The following CFAP54 variants were observed in gnomAD, a reference collection of about 807,000 sequenced individuals.
CFAP54 encodes the protein cilia and flagella associated protein 54.
CFAP54 carries 290 observed loss-of-function variants against 370.4 expected under a neutral mutation model. The observed-to-expected ratio is 0.78, with a 90% CI of 0.71 to 0.86. CFAP54 has a LOEUF of 0.86. Among genes scored for constraint, CFAP54 ranks in the 40% least tolerant of loss-of-function variants. CFAP54 has a pLI of 0.00. For synonymous variants in CFAP54, 1,206 were observed against 1,236.5 expected (o/e 0.98, Z 0.52); for missense variants, 3,399 against 3,528.7 (o/e 0.96, Z 0.93).
At chr12:96,688,860 C>A (rs898776444) in intron 42 of CFAP54, 56 bp from the exon 43 acceptor site, 3 of 983,952 alleles carry the variant, frequency 3.0e-6, no homozygotes, top group South Asian at 1.5e-5. Context: ...ACATTTATAT[C>A]AAAATGTTTT....
chr12:96,635,429 A>G (rs2136480767), intron 32 of CFAP54, among the ~76,000 whole-genome samples: 1 of 152,156 alleles, frequency 6.6e-6, no homozygotes, highest in African/African-American at 2.4e-5. Flanking sequence ...TGCTCATACC[A>G]CTCACTTCTG....
At chr12:96,611,178 C>T (rs1956354464) in intron 26 of CFAP54, among the ~76,000 whole-genome samples, 1 of 152,234 alleles carries the variant, frequency 6.6e-6, no homozygotes, top group South Asian at 2.1e-4. Context: ...GGGTACCCCT[C>T]TGAGACGAAG....
At chr12:96,790,074 G>A (rs1958673080) in intron 62 of CFAP54, among the ~76,000 whole-genome samples, 1 of 152,174 alleles carries the variant, frequency 6.6e-6, no homozygotes, top group Non-Finnish European at 1.5e-5. Flanking sequence ...GTGCTCATCA[G>A]TTGTGTGATT....
chr12:96,797,040 T>C (rs945889932), intron 63 of CFAP54, among the ~76,000 whole-genome samples: 3 of 152,156 alleles, frequency 2.0e-5, no homozygotes, highest in Non-Finnish European at 4.4e-5. Flanking sequence ...TCATCATCAA[T>C]CAGTTAAAAA....
Position 96,700,058 on chromosome 12 carries a change from A to G in CFAP54, c.6439A>G (p.Ile2147Val). The change falls in exon 46 of 68, where the codon ATA (isoleucine) becomes GTA (valine). Residue 2147 changes from isoleucine to valine, a missense_variant. By Grantham distance (29) the Ile-to-Val change is conservative. Around this residue, in one of 3 missense-constraint regions of CFAP54, gnomAD observed 2,796 missense variants for 2,869.7 expected, o/e 0.97. Transcript: ENST00000524981. ...IFYGKNMPCPIPAGYKATGKM... is the reference protein window; with the variant it reads ...IFYGKNMPCPVPAGYKATGKM... The stretch of plus-strand genomic sequence containing the variant: ...CTATGGAAAAAACATGCCTTGTCCA[A>G]TACCTGCAGGCTATAAAGCCACTGG... 3.7e-6 allele frequency: 6 copies of G among 1,609,498 alleles called. No homozygotes were observed. The highest frequency in any genetic ancestry group is 5.1e-6 in the Non-Finnish European group (6 of 1,178,552).
intron 67 of CFAP54, among the ~76,000 whole-genome samples, chr12:96,866,728 A>G (rs1960015451): frequency 6.6e-6 from 1 of 152,222 alleles, no homozygotes; most frequent in Admixed American, 6.5e-5. Flanking sequence ...ATTCGGAACT[A>G]ATGTAGAAAA....
At chr12:96,601,588 A>G (rs1956243079) in intron 26 of CFAP54, among the ~76,000 whole-genome samples, 2 of 151,964 alleles carry the variant, frequency 1.3e-5, no homozygotes, top group Admixed American at 1.3e-4. Context: ...CTGGTCCTGG[A>G]CTTTTTTTTG....
chr12:96,864,285 G>A (rs1193933669), intron 67 of CFAP54, among the ~76,000 whole-genome samples: 1 of 152,312 alleles, frequency 6.6e-6, no homozygotes, highest in South Asian at 2.1e-4. Context: ...GGCGAGGGAA[G>A]TCAGGAAAGA....
chr12:96,828,677 T>C (rs1959155348), intron 65 of CFAP54, among the ~76,000 whole-genome samples: 1 of 152,196 alleles, frequency 6.6e-6, no homozygotes, highest in Non-Finnish European at 1.5e-5. Context: ...GCTCTTCCCC[T>C]GTCTTCCATA....
chr12:96,710,638 A>G lies in CFAP54; in HGVS notation c.6724+1835A>G, dbSNP rs185143817. On this transcript the variant is annotated intron_variant, in intron 48 of 67. Transcript: ENST00000524981. ...GGAGGTCAGCAAGGCCCCAAATGTT[A>G]TCATTTCTACATCAGACATACAGAA... is the stretch of plus-strand genomic sequence containing the variant. 4.0e-3 allele frequency among the ~76,000 whole-genome samples: 602 copies of G among 152,078 alleles called. 4 individuals are homozygous for G. Among genetic ancestry groups the G allele is most frequent in the Non-Finnish European group, 6.1e-3 (417 of 67,976 alleles).
chr12:96,806,901 A>G (rs1451277216), intron 63 of CFAP54, among the ~76,000 whole-genome samples: 1 of 152,190 alleles, frequency 6.6e-6, no homozygotes, highest in Admixed American at 6.6e-5. Flanking sequence ...CAGCAGCACT[A>G]GCATCCCCTG....
At chr12:96,819,699 G>A (rs77845508) in intron 65 of CFAP54, among the ~76,000 whole-genome samples, 2,894 of 152,104 alleles carry the variant, frequency 0.019, 96 homozygotes, top group African/African-American at 0.065. Context: ...TTTGTGTTTG[G>A]ATTTTTCTTG....
In CFAP54 at chr12:96,688,999, G is replaced by A; in HGVS notation, c.6081+17G>A. 1 of 1,480,734 alleles carries A rather than the reference G, an allele frequency of 6.8e-7. No individual in the cohort carries two copies. Among genetic ancestry groups the A allele is most frequent in the Non-Finnish European group, 9.0e-7 (1 of 1,107,502 alleles). The allele number at this position is 1,480,734 out of a possible 1,614,324, so 91.7% of individuals were successfully genotyped here. ...CTCTTTCAGGTAACACTCTATGTAT[G>A]TATGTTTTTCCATTGTAGCACAACC... On this transcript the variant is annotated intron_variant, in intron 43 of 67. Transcript: ENST00000524981.
chr12:96,601,323 A>C (rs1181427838), intron 26 of CFAP54, among the ~76,000 whole-genome samples: 1 of 152,172 alleles, frequency 6.6e-6, no homozygotes. Context: ...ATCGTGGTGG[A>C]TAAGCTTTTT....
chr12:96,524,402 TG>T (rs1160038590), intron 8 of CFAP54, among the ~76,000 whole-genome samples: 1 of 152,192 alleles, frequency 6.6e-6, no homozygotes, highest in Non-Finnish European at 1.5e-5. Context: ...CTTAGAATGT[TG>T]CTGGCAGGTA....
At chr12:96,681,004 A>C (rs1314988385) in intron 40 of CFAP54, among the ~76,000 whole-genome samples, 1 of 152,078 alleles carries the variant, frequency 6.6e-6, no homozygotes, top group Admixed American at 6.6e-5. Context: ...AATCACTTGA[A>C]CCGGCGGGGC....
At chr12:96,871,795 G>A (rs538179733) in intron 67 of CFAP54, among the ~76,000 whole-genome samples, 4 of 152,218 alleles carry the variant, frequency 2.6e-5, no homozygotes, top group African/African-American at 9.6e-5. Context: ...CAAATTAGGT[G>A]CTACAGAATT....
intron 64 of CFAP54, among the ~76,000 whole-genome samples, chr12:96,814,605 G>A (rs1445681445): frequency 3.3e-5 from 5 of 152,168 alleles, no homozygotes; most frequent in African/African-American, 1.2e-4. Flanking sequence ...TGTTACATAG[G>A]TATACACGTA....
intron 26 of CFAP54, among the ~76,000 whole-genome samples, chr12:96,617,732 C>T (rs1158719799): frequency 2.0e-5 from 3 of 152,130 alleles, no homozygotes; most frequent in Non-Finnish European, 4.4e-5. Flanking sequence ...TGGCTCACGC[C>T]TGTAATCCCA....
Sources: allele counts gnomAD v4.1 joint callset (sites outside exome capture counted in the v4.1 genomes callset), GRCh38; gene constraint gnomAD v4.1.1; regional missense constraint gnomAD v4.1.1; transcripts MANE v1.5; gene names NCBI Gene and HGNC (gene_info 2026-07-23, HGNC 2026-07-21).